NMNAT2: variants seen among roughly 807,000 people sequenced by gnomAD.
NMNAT2 encodes the protein nicotinamide/nicotinic acid mononucleotide adenylyltransferase 2.
A neutral mutation model predicts 41.6 loss-of-function variants in NMNAT2; 11 were observed. The observed-to-expected ratio is 0.26, with a 90% CI of 0.17 to 0.44. The LOEUF is 0.44. Ranked by LOEUF, NMNAT2 falls within the 20% of genes least tolerant of loss-of-function variation. NMNAT2 has a pLI of 1.00. For synonymous variants in NMNAT2, 148 were observed against 151.2 expected (o/e 0.98, Z 0.16); for missense variants, 288 against 407.7 (o/e 0.71, Z 2.53).
intron 1 of NMNAT2, among the ~76,000 whole-genome samples, chr1:183,299,652 T>TA (rs201365352): frequency 0.066 from 9,238 of 140,002 alleles, 847 homozygotes; most frequent in African/African-American, 0.21. Context: ...CTCTGTCTCT[T>TA]AAAAAAAAAA....
chr1:183,254,898 T>C (rs1398887672), intron 10 of NMNAT2, among the ~76,000 whole-genome samples: 1 of 152,250 alleles, frequency 6.6e-6, no homozygotes, highest in Non-Finnish European at 1.5e-5. Flanking sequence ...TTTCCTTTGC[T>C]GTACAGAAGC....
At chr1:183,367,709 T>C (rs1663445661) in intron 1 of NMNAT2, among the ~76,000 whole-genome samples, 1 of 152,248 alleles carries the variant, frequency 6.6e-6, no homozygotes. Flanking sequence ...ACTTGTCATA[T>C]ATAATTTACT....
At chr1:183,307,375 C>T (rs1205259122) in intron 1 of NMNAT2, among the ~76,000 whole-genome samples, 1 of 145,630 alleles carries the variant, frequency 6.9e-6, no homozygotes, top group Non-Finnish European at 1.5e-5. Flanking sequence ...GGTGTGATCT[C>T]GGCTCACTGC....
chr1:183,326,989 C>T (rs1662479908), intron 1 of NMNAT2, among the ~76,000 whole-genome samples: 1 of 150,980 alleles, frequency 6.6e-6, no homozygotes, highest in African/African-American at 2.4e-5. Context: ...CATAGCTATC[C>T]CCATTACCCT....
Position 183,339,166 on chromosome 1 carries a change from C to T in NMNAT2, c.86-45373G>A, listed in dbSNP as rs111350150. 6.3e-3 allele frequency among the ~76,000 whole-genome samples: 958 copies of T among 151,966 alleles called. 10 individuals carry two copies. The highest frequency in any genetic ancestry group is 0.022 in the African/African-American group (916 of 41,404). Reference sequence around the variant, plus strand: ...AGGCTGGAGTGCAGTGGTACGATCTCGGCTCACTGCAAGCTCTGCCTCCCG... The same window carrying T: ...AGGCTGGAGTGCAGTGGTACGATCTTGGCTCACTGCAAGCTCTGCCTCCCG... On this transcript the variant is annotated intron_variant, in intron 1 of 10. Coordinates refer to ENST00000287713, the MANE Select transcript of NMNAT2 (RefSeq NM_015039.4).
intron 1 of NMNAT2, chr1:183,304,915 C>T (rs1305558576): frequency 7.1e-7 from 1 of 1,402,792 alleles, no homozygotes; most frequent in Non-Finnish European, 9.4e-7. Flanking sequence ...TATGACCCTC[C>T]CTTCCATAAC....
At position 183,284,054 on chromosome 1, in the gene NMNAT2, A is replaced by G. The variant is rs1199549384; in HGVS notation, c.530-15T>C. ...GGCATTCTCATCTAAGGAGGAAAGAAGGAAGGTAGGGCATTAGGGAACAGG... is the reference window on the plus strand; with the variant it reads ...GGCATTCTCATCTAAGGAGGAAAGAGGGAAGGTAGGGCATTAGGGAACAGG... On this transcript the variant is annotated splice_polypyrimidine_tract_variant and intron_variant, in intron 6 of 10. Coordinates refer to ENST00000287713, the MANE Select transcript of NMNAT2 (RefSeq NM_015039.4). 6 of 1,592,908 alleles carry G rather than the reference A, an allele frequency of 3.8e-6. No homozygotes were observed. The highest frequency in any genetic ancestry group is 5.1e-6 in the Non-Finnish European group (6 of 1,166,510).
intron 10 of NMNAT2, among the ~76,000 whole-genome samples, chr1:183,254,461 C>A (rs1660469647): frequency 1.3e-5 from 2 of 152,196 alleles, no homozygotes; most frequent in Admixed American, 6.5e-5. Context: ...TTGAGAGAGA[C>A]AGGGTCTCAC....
chr1:183,412,706 A>G lies in NMNAT2; in HGVS notation c.85+5477T>C, dbSNP rs186042846. Among the ~76,000 whole-genome samples, 159 of 152,352 alleles carry G rather than the reference A, an allele frequency of 1.0e-3. 1 individual carries two copies. Among genetic ancestry groups the G allele is most frequent in the Middle Eastern group, 6.8e-3 (2 of 294 alleles). ...TTTGAAGATAAAGAGATTCCAAAACATTTGGACATAAATAGTGTGTCCAAA... is the reference window on the plus strand; with the variant it reads ...TTTGAAGATAAAGAGATTCCAAAACGTTTGGACATAAATAGTGTGTCCAAA... On this transcript the variant is annotated intron_variant, in intron 1 of 10. Coordinates refer to ENST00000287713, the MANE Select transcript of NMNAT2 (RefSeq NM_015039.4).
At chr1:183,390,918 G>C (rs567935117) in intron 1 of NMNAT2, among the ~76,000 whole-genome samples, 43 of 152,242 alleles carry the variant, frequency 2.8e-4, no homozygotes, top group African/African-American at 9.9e-4. Context: ...GAAATCATTT[G>C]GGGTGATGCA....
chr1:183,355,134 C>T (rs995099894), intron 1 of NMNAT2, among the ~76,000 whole-genome samples: 1 of 152,130 alleles, frequency 6.6e-6, no homozygotes, highest in Admixed American at 6.5e-5. Context: ...CCTCAGTTTC[C>T]ACATTCTCAC....
At chr1:183,278,209 A>G (rs1308163830) in intron 8 of NMNAT2, among the ~76,000 whole-genome samples, 1 of 152,168 alleles carries the variant, frequency 6.6e-6, no homozygotes, top group African/African-American at 2.4e-5. Flanking sequence ...TCAAAGGAAA[A>G]CAAAACACAC....
chr1:183,402,137 CT>C lies in NMNAT2; in HGVS notation c.85+16045del, dbSNP rs1187549649. On this transcript the variant is annotated intron_variant, in intron 1 of 10. Transcript: ENST00000287713. ...GGGTCACATAGCATGTTTGCAACTT[CT>C]GTTTCTTAGATTATAGGCTGACTCT... Among the ~76,000 whole-genome samples, 29 of 152,186 alleles carry C rather than the reference CT, an allele frequency of 1.9e-4. 1 individual carries two copies. Among genetic ancestry groups the C allele is most frequent in the Admixed American group, 1.9e-3 (29 of 15,290 alleles).
chr1:183,313,039 C>T (rs1312630351), intron 1 of NMNAT2, among the ~76,000 whole-genome samples: 1 of 152,178 alleles, frequency 6.6e-6, no homozygotes, highest in Non-Finnish European at 1.5e-5. Context: ...ACTCGTGGAG[C>T]TGTCATGGAA....
At chr1:183,282,248 C>T (rs1212191866) in intron 7 of NMNAT2, among the ~76,000 whole-genome samples, 1 of 152,228 alleles carries the variant, frequency 6.6e-6, no homozygotes, top group East Asian at 1.9e-4. Flanking sequence ...CTCAGGGAAG[C>T]CAGAGGTGAG....
At chr1:183,310,577 A>C (rs1662091115) in intron 1 of NMNAT2, among the ~76,000 whole-genome samples, 1 of 152,202 alleles carries the variant, frequency 6.6e-6, no homozygotes, top group African/African-American at 2.4e-5. Flanking sequence ...ATCACCCCCC[A>C]GGGCACATTT....
intron 1 of NMNAT2, among the ~76,000 whole-genome samples, chr1:183,297,311 T>A (rs147110127): frequency 6.6e-6 from 1 of 151,930 alleles, no homozygotes; most frequent in Admixed American, 6.6e-5. Context: ...GTGGTTTTAC[T>A]GGAGAATTCC....
chr1:183,390,745 G>A (rs1253666686), intron 1 of NMNAT2, among the ~76,000 whole-genome samples: 10 of 152,152 alleles, frequency 6.6e-5, no homozygotes, highest in Admixed American at 3.9e-4. Flanking sequence ...AGGCCAGAAC[G>A]GACTCCCTAA....
At position 183,315,852 on chromosome 1, in the gene NMNAT2, C is replaced by A. The variant is rs10911303; in HGVS notation, c.86-22059G>T. Among the ~76,000 whole-genome samples the A allele has an allele frequency of 2.1e-3, 316 of 150,500 alleles. 2 individuals are homozygous for A. Among genetic ancestry groups the A allele is most frequent in the African/African-American group, 7.1e-3 (291 of 40,994 alleles). ...ATGGGTGCAGCAAACCACCATGGCA[C>A]GTGTATATCTATGTAATAAACCTGC... On this transcript the variant is annotated intron_variant, in intron 1 of 10. Transcript: ENST00000287713.
Sources: gnomAD v4.1 joint callset for allele counts (sites outside exome capture counted in the v4.1 genomes callset) on GRCh38, gnomAD v4.1.1 for gene constraint, MANE v1.5 for transcripts, NCBI Gene and HGNC (gene_info 2026-07-23, HGNC 2026-07-21) for gene names.